Variants in SREK1IP1 observed in about 807,000 individuals in gnomAD.
SREK1IP1 encodes the protein SREK1 interacting protein 1, also known as protein SREK1IP1.
SREK1IP1 carries 12 observed loss-of-function variants against 22.8 expected under a neutral mutation model. That is an observed-to-expected ratio of 0.53 (90% CI 0.34 to 0.85). The LOEUF (loss-of-function observed/expected upper bound fraction) is 0.85, where lower values mean the gene tolerates loss of function less well. Ranked by LOEUF, SREK1IP1 falls within the 40% of genes least tolerant of loss-of-function variation. The probability of loss-of-function intolerance (pLI) is 0.02; values close to 1 mark genes in which losing one functional copy is unlikely to be tolerated. For missense variants in SREK1IP1, 147 were observed against 171.8 expected (o/e 0.86, Z 0.81); for synonymous variants, 53 against 52.7 (o/e 1.01, Z -0.02).
In SREK1IP1 at chr5:64,722,296, T is replaced by C. The variant is rs894498467; in HGVS notation, c.*2088A>G. The C allele has an allele frequency of 1.3e-5, 2 of 152,186 alleles. No homozygotes were observed. The highest frequency in any genetic ancestry group is 4.8e-5 in the African/African-American group (2 of 41,444). 9.4% of individuals were successfully genotyped at this position (152,186 alleles called of 1,614,324 possible). A position where few individuals can be genotyped will look rare whatever the true frequency, so the allele number is the denominator to read the frequency against. ...TGACTTTTGCTCTTCTCAGTCATTA[T>C]TGTGTCACCATTCAGAAACCTAATG... is the stretch of plus-strand genomic sequence containing the variant. On this transcript the variant is annotated 3_prime_UTR_variant, in exon 5 of 5. Transcript: ENST00000513458.
At chr5:64,739,730 T>C (rs1742522239) in intron 3 of SREK1IP1, among the ~76,000 whole-genome samples, 1 of 152,066 alleles carries the variant, frequency 6.6e-6, no homozygotes, top group Admixed American at 6.6e-5. Flanking sequence ...AACAAAAGTG[T>C]GTGTATTCAA....
intron 2 of SREK1IP1, among the ~76,000 whole-genome samples, chr5:64,742,244 C>T (rs183840523): frequency 3.3e-4 from 50 of 151,992 alleles, no homozygotes; most frequent in Admixed American, 7.2e-4. Flanking sequence ...ACGTAGGTTG[C>T]TTCCAGTAGT....
chr5:64,751,472 A>G (rs1163518545), intron 2 of SREK1IP1, among the ~76,000 whole-genome samples: 2 of 152,232 alleles, frequency 1.3e-5, no homozygotes, highest in Non-Finnish European at 2.9e-5. Context: ...AAATTCAGCA[A>G]TGGCAATAAG....
chr5:64,733,906 T>C (rs1742417022), intron 3 of SREK1IP1, among the ~76,000 whole-genome samples: 1 of 152,124 alleles, frequency 6.6e-6, no homozygotes, highest in Non-Finnish European at 1.5e-5. Flanking sequence ...CAAAACATTA[T>C]TGAAATGACA....
In SREK1IP1 at chr5:64,745,763, C is replaced by G. The variant is rs146148225; in HGVS notation, c.62-4563G>C. 5.7e-3 allele frequency among the ~76,000 whole-genome samples: 868 copies of G among 152,180 alleles called. 8 individuals carry two copies. The highest frequency in any genetic ancestry group is 0.016 in the African/African-American group (683 of 41,516). On this transcript the variant is annotated intron_variant, in intron 2 of 4. Coordinates refer to ENST00000513458, the MANE Select transcript of SREK1IP1 (RefSeq NM_173829.4). ...CATTTTAGCTTTGCTTCAAGCAAAG[C>G]GACCCTAAGGTGATAAGACAAATTA...
At position 64,720,238 on chromosome 5, in the gene SREK1IP1, A is replaced by G. The variant is rs1278512421; in HGVS notation, c.*4146T>C. ...TTAAGAACAAAACACATCTCAAAGTATGTACATGTACATATAACTCTGGGG... is the reference window on the plus strand; with the variant it reads ...TTAAGAACAAAACACATCTCAAAGTGTGTACATGTACATATAACTCTGGGG... On this transcript the variant is annotated 3_prime_UTR_variant, in exon 5 of 5. Coordinates refer to ENST00000513458, the MANE Select transcript of SREK1IP1 (RefSeq NM_173829.4). 1 of 152,252 alleles carries G rather than the reference A, an allele frequency of 6.6e-6. No individual in the cohort carries two copies. The highest frequency in any genetic ancestry group is 1.5e-5 in the Non-Finnish European group (1 of 68,042). The allele number at this position is 152,252 out of a possible 1,614,324, so 9.4% of individuals were successfully genotyped here.
intron 4 of SREK1IP1, among the ~76,000 whole-genome samples, chr5:64,726,685 G>A (rs1742273369): frequency 6.6e-6 from 1 of 151,916 alleles, no homozygotes; most frequent in African/African-American, 2.4e-5. Flanking sequence ...CTAACCTACT[G>A]AACATCATAG....
At position 64,759,148 on chromosome 5, in the gene SREK1IP1, T is replaced by C. The variant is rs574114620; in HGVS notation, c.14-4786A>G. ...TTGGGCTTGTGCAGGATCTTGGATA[T>C]GGGTTCCCTGGGTCATTTCTATTTT... On this transcript the variant is annotated intron_variant, in intron 1 of 4. Coordinates refer to ENST00000513458, the MANE Select transcript of SREK1IP1 (RefSeq NM_173829.4). 4.6e-5 allele frequency among the ~76,000 whole-genome samples: 7 copies of C among 152,336 alleles called. No individual in the cohort carries two copies. The East Asian group carries it at 9.7e-4, about 21-fold the overall frequency.
intron 3 of SREK1IP1, among the ~76,000 whole-genome samples, chr5:64,729,393 C>G (rs1276006490): frequency 6.6e-6 from 1 of 151,986 alleles, no homozygotes; most frequent in East Asian, 1.9e-4. Flanking sequence ...GAGTTTGGTG[C>G]GTTCTAGAAA....
At chr5:64,744,964 C>T (rs1742608845) in intron 2 of SREK1IP1, among the ~76,000 whole-genome samples, 1 of 152,296 alleles carries the variant, frequency 6.6e-6, no homozygotes, top group African/African-American at 2.4e-5. Flanking sequence ...CTAATCCCTG[C>T]TTCACAGCCT....
chr5:64,748,197 C>T (rs186231254), intron 2 of SREK1IP1, among the ~76,000 whole-genome samples: 1 of 151,874 alleles, frequency 6.6e-6, no homozygotes, highest in African/African-American at 2.4e-5. Flanking sequence ...CATGCTACAA[C>T]ATGGATGAAC....
At chr5:64,753,858 TTAA>T (rs1463350847) in intron 2 of SREK1IP1, among the ~76,000 whole-genome samples, 24 of 152,328 alleles carry the variant, frequency 1.6e-4, no homozygotes, top group African/African-American at 5.5e-4. Flanking sequence ...ATAATGGAGA[TTAA>T]TAATTGTTTA....
chr5:64,765,898 C>T (rs1743025435), intron 1 of SREK1IP1, among the ~76,000 whole-genome samples: 1 of 152,222 alleles, frequency 6.6e-6, no homozygotes, highest in South Asian at 2.1e-4. Flanking sequence ...GCCCAAAAGG[C>T]TTGCTCAAGT....
rs1742128685 is a variant in SREK1IP1 at position 64,719,965 on chromosome 5, G to A, written c.*4419C>T. 6.6e-6 allele frequency: 1 copy of A among 152,180 alleles called. No homozygotes were observed. Among genetic ancestry groups the A allele is most frequent in the Non-Finnish European group, 1.5e-5 (1 of 68,028 alleles). 9.4% of individuals were successfully genotyped at this position (152,180 alleles called of 1,614,324 possible). ...TGGAGTCCTTGAAGCACTCCCTGCTGAGCTAGCTTATCACTAGGTTACCTG... is the reference window on the plus strand; with the variant it reads ...TGGAGTCCTTGAAGCACTCCCTGCTAAGCTAGCTTATCACTAGGTTACCTG... On this transcript the variant is annotated 3_prime_UTR_variant, in exon 5 of 5. Coordinates refer to ENST00000513458, the MANE Select transcript of SREK1IP1 (RefSeq NM_173829.4).
intron 4 of SREK1IP1, among the ~76,000 whole-genome samples, chr5:64,727,137 A>T (rs1246987339): frequency 1.3e-5 from 2 of 152,158 alleles, no homozygotes; most frequent in Non-Finnish European, 2.9e-5. Context: ...ATTAAAATAC[A>T]TGTATTAAAT....
intron 3 of SREK1IP1, among the ~76,000 whole-genome samples, chr5:64,740,479 ACTT>A (rs904643000): frequency 4.6e-5 from 7 of 152,226 alleles, no homozygotes; most frequent in South Asian, 2.1e-4. Context: ...TAATAAAGAA[ACTT>A]CTTATGTTAA....
intron 3 of SREK1IP1, among the ~76,000 whole-genome samples, chr5:64,733,660 G>C (rs1561384719): frequency 6.6e-6 from 1 of 152,098 alleles, no homozygotes; most frequent in Non-Finnish European, 1.5e-5. Flanking sequence ...TGGGGCATAT[G>C]TCTCATAGAA....
At chr5:64,743,019 C>T (rs565215831) in intron 2 of SREK1IP1, among the ~76,000 whole-genome samples, 157 of 152,236 alleles carry the variant, frequency 1.0e-3, no homozygotes, top group African/African-American at 3.6e-3. Flanking sequence ...ATTTACTACA[C>T]TGTTATCAGA....
chr5:64,732,919 G>GAA (rs747301015), intron 3 of SREK1IP1, among the ~76,000 whole-genome samples: 3 of 128,048 alleles, frequency 2.3e-5, no homozygotes, highest in Non-Finnish European at 3.4e-5. Flanking sequence ...ATTTTTTGGG[G>GAA]AAAAAAAAAA....
Sources: gnomAD v4.1 joint callset for allele counts (sites outside exome capture counted in the v4.1 genomes callset) on GRCh38, gnomAD v4.1.1 for gene constraint, MANE v1.5 for transcripts, NCBI Gene and HGNC (gene_info 2026-07-23, HGNC 2026-07-21) for gene names.